PCED1B: variants seen among roughly 807,000 people sequenced by gnomAD.
PCED1B encodes the protein PC-esterase domain-containing protein 1B.
For missense variants in PCED1B, 573 were observed against 573.9 expected, an observed-to-expected ratio of 1.00 and a Z score of 0.02; for synonymous variants, 251 against 246.1, an observed-to-expected ratio of 1.02 and a Z score of -0.19.
chr12:47,171,004 T>C (rs1406910298), intron 2 of PCED1B, among the ~76,000 whole-genome samples: 1 of 151,856 alleles, frequency 6.6e-6, no homozygotes, highest in Non-Finnish European at 1.5e-5. Context: ...TTTTTCACTG[T>C]TCCCACCAAT....
intron 2 of PCED1B, among the ~76,000 whole-genome samples, chr12:47,196,401 G>A (rs1942603021): frequency 1.3e-5 from 2 of 152,204 alleles, no homozygotes; most frequent in African/African-American, 4.8e-5. Flanking sequence ...GATTGTTCAA[G>A]CTTAACTTAA....
intron 3 of PCED1B, among the ~76,000 whole-genome samples, chr12:47,232,415 T>C (rs1315464622): frequency 1.3e-5 from 2 of 152,232 alleles, no homozygotes; most frequent in Admixed American, 6.5e-5. Context: ...CATTTTTGTA[T>C]TTATACCCAT....
At chr12:47,089,402 A>G (rs1938142588) in intron 1 of PCED1B, among the ~76,000 whole-genome samples, 1 of 144,624 alleles carries the variant, frequency 6.9e-6, no homozygotes, top group African/African-American at 2.6e-5. Flanking sequence ...AGCTGAGATC[A>G]TGCCACTGAA....
chr12:47,116,999 A>G (rs1282208765), intron 2 of PCED1B, among the ~76,000 whole-genome samples: 1 of 152,148 alleles, frequency 6.6e-6, no homozygotes, highest in Non-Finnish European at 1.5e-5. Flanking sequence ...TTAACCAGAT[A>G]TGGTGGTGCA....
At chr12:47,193,119 T>C (rs1472680604) in intron 2 of PCED1B, among the ~76,000 whole-genome samples, 1 of 152,254 alleles carries the variant, frequency 6.6e-6, no homozygotes, top group African/African-American at 2.4e-5. Context: ...TCAAGAGCTG[T>C]ATTCTATTTG....
At chr12:47,166,805 C>G (rs188195293) in intron 2 of PCED1B, among the ~76,000 whole-genome samples, 9 of 152,000 alleles carry the variant, frequency 5.9e-5, no homozygotes, top group Admixed American at 5.9e-4. Context: ...TTTTTATTTA[C>G]CCCTCTTAGG....
rs369478808 is a variant in PCED1B at position 47,125,242 on chromosome 12, G to T, written c.-526+21047G>T. On this transcript the variant is annotated intron_variant, in intron 2 of 3. Transcript: ENST00000546455. ...TTTGTTTGTGTATTGATTGCAAATT[G>T]TTCCATTACCATTTGTTGAAAAAAC... is the stretch of plus-strand genomic sequence containing the variant. 1.4e-3 allele frequency among the ~76,000 whole-genome samples: 208 copies of T among 152,016 alleles called. 1 individual carries two copies. Among genetic ancestry groups the T allele is most frequent in the African/African-American group, 4.6e-3 (193 of 41,518 alleles).
chr12:47,189,581 A>G (rs937391957), intron 2 of PCED1B, among the ~76,000 whole-genome samples: 1 of 152,202 alleles, frequency 6.6e-6, no homozygotes, highest in Non-Finnish European at 1.5e-5. Context: ...TTCAAGGCTT[A>G]TATTAGTGGC....
intron 3 of PCED1B, among the ~76,000 whole-genome samples, chr12:47,234,721 C>A (rs1943917105): frequency 6.6e-6 from 1 of 152,216 alleles, no homozygotes; most frequent in Non-Finnish European, 1.5e-5. Flanking sequence ...TTGGCTCCTC[C>A]CCACCAGGTG....
intron 1 of PCED1B, among the ~76,000 whole-genome samples, chr12:47,085,782 C>G (rs1937952108): frequency 6.6e-6 from 1 of 151,932 alleles, no homozygotes; most frequent in Non-Finnish European, 1.5e-5. Context: ...TTCTAGAGTC[C>G]TTTGTGAGAA....
chr12:47,123,140 T>C (rs1324535289), intron 2 of PCED1B, among the ~76,000 whole-genome samples: 1 of 152,188 alleles, frequency 6.6e-6, no homozygotes, highest in Non-Finnish European at 1.5e-5. Context: ...AGGAGATTGT[T>C]AGTTTTCCAC....
chr12:47,194,722 C>G (rs1942548310), intron 2 of PCED1B, among the ~76,000 whole-genome samples: 1 of 152,136 alleles, frequency 6.6e-6, no homozygotes, highest in South Asian at 2.1e-4. Flanking sequence ...TCATACCGGT[C>G]GGAGTTCCAT....
intron 1 of PCED1B, among the ~76,000 whole-genome samples, chr12:47,083,836 G>A (rs1281023778): frequency 6.6e-6 from 1 of 151,994 alleles, no homozygotes; most frequent in African/African-American, 2.4e-5. Flanking sequence ...CTCACAATGG[G>A]GCTACTCTTT....
At chr12:47,126,089 A>G (rs1411591999) in intron 2 of PCED1B, among the ~76,000 whole-genome samples, 2 of 152,090 alleles carry the variant, frequency 1.3e-5, no homozygotes, top group Non-Finnish European at 2.9e-5. Context: ...CAATCTTACA[A>G]AGAAAACATT....
intron 2 of PCED1B, among the ~76,000 whole-genome samples, chr12:47,171,561 T>A (rs949849024): frequency 2.0e-5 from 3 of 152,228 alleles, no homozygotes; most frequent in African/African-American, 7.2e-5. Context: ...CATTTTTGTT[T>A]CCTCTCTTCA....
chr12:47,154,531 C>T (rs989191243), intron 2 of PCED1B, among the ~76,000 whole-genome samples: 3 of 152,080 alleles, frequency 2.0e-5, no homozygotes, highest in African/African-American at 4.8e-5. Flanking sequence ...TCCTAATTTT[C>T]GCCAATGACA....
chr12:47,172,332 G>A (rs1033978865), intron 2 of PCED1B, among the ~76,000 whole-genome samples: 2 of 140,520 alleles, frequency 1.4e-5, no homozygotes, highest in South Asian at 4.6e-4. Flanking sequence ...TTAAAAAGTC[G>A]TGGGTTGCTT....
chr12:47,136,588 T>C (rs1940382770), intron 2 of PCED1B, among the ~76,000 whole-genome samples: 1 of 152,256 alleles, frequency 6.6e-6, no homozygotes, highest in African/African-American at 2.4e-5. Context: ...AAGATGACTC[T>C]TTGAAAGTAG....
chr12:47,080,952 C>T (rs1286715141), intron 1 of PCED1B, among the ~76,000 whole-genome samples: 3 of 152,276 alleles, frequency 2.0e-5, no homozygotes, highest in Non-Finnish European at 4.4e-5. Flanking sequence ...CTCTTCATCC[C>T]TTCCGGAGAT....
Sources: gnomAD v4.1 joint callset for allele counts (sites outside exome capture counted in the v4.1 genomes callset) on GRCh38, gnomAD v4.1.1 for gene constraint, MANE v1.5 for transcripts, NCBI Gene and HGNC (gene_info 2026-07-23, HGNC 2026-07-21) for gene names.